Variants in PHOX2B observed in about 807,000 individuals in gnomAD.
PHOX2B encodes the protein paired mesoderm homeobox protein 2B.
In PHOX2B, 1 loss-of-function variant was observed where a neutral mutation model predicts 15.5. That is an observed-to-expected ratio of 0.06 (90% CI 0.02 to 0.31). The LOEUF (loss-of-function observed/expected upper bound fraction) is 0.31, where lower values mean the gene tolerates loss of function less well. Ranked by LOEUF, PHOX2B falls within the 10% of genes least tolerant of loss-of-function variation. The pLI is 1.00. For missense variants in PHOX2B, 314 were observed against 436.4 expected (o/e 0.72, Z 2.50); for synonymous variants, 206 against 190.5 (o/e 1.08, Z -0.67).
In PHOX2B at chr4:41,746,058, G is replaced by C. The variant is rs1433654836; in HGVS notation, c.694C>G (p.Pro232Ala). Residue 232 changes from proline (P) to alanine (A), a missense_variant, in exon 3 of 3, where the codon CCG becomes GCG. Physicochemically the swap from Pro to Ala is conservative, Grantham distance 27 (BLOSUM62 -1). This residue lies in a region of PHOX2B where 157 missense variants were observed against 169.0 expected (regional missense o/e 0.93). Transcript: ENST00000226382. ...GAPGAAGPGGPGGEPGKGGAA... is the reference protein window; with the variant it reads ...GAPGAAGPGGAGGEPGKGGAA... ...CCGCCCTTGCCGGGTTCGCCTCCCG[G>C]GCCCCCGGGCCCCGCCGCCCCCGGA... 1 of 1,347,702 alleles carries C rather than the reference G, an allele frequency of 7.4e-7. No individual in the cohort carries two copies. The highest frequency in any genetic ancestry group is 9.4e-7 in the Non-Finnish European group (1 of 1,058,412). 83.5% of individuals were successfully genotyped at this position (1,347,702 alleles called of 1,614,324 possible). A position where few individuals can be genotyped will look rare whatever the true frequency, so the allele number is the denominator to read the frequency against.
rs11723860 is a variant in PHOX2B, at chr4:41,744,420, G to A, written c.*1387C>T. 57,847 of 230,984 alleles carry A rather than the reference G, an allele frequency of 0.25. 7,932 individuals are homozygous for A. Among genetic ancestry groups the A allele is most frequent in the African/African-American group, 0.4 (17,957 of 45,196 alleles). 14.3% of individuals were successfully genotyped at this position (230,984 alleles called of 1,614,324 possible). ...CTACAAGAAGAGAAAAACATTATAC[G>A]GTCACGTAGAGGAGACAGTCTGCAC... On this transcript the variant is annotated 3_prime_UTR_variant, in exon 3 of 3. Coordinates refer to ENST00000226382, the MANE Select transcript of PHOX2B (RefSeq NM_003924.4).
At chr4:41,747,235 C>T (rs1182213364) in intron 2 of PHOX2B, 114 bp downstream of exon 2, 4 of 825,182 alleles carry the variant, frequency 4.8e-6, no homozygotes, top group Non-Finnish European at 8.0e-6. Context: ...GGCCATGGGG[C>T]CCTAGGTCCT....
rs1314348978 is a variant in PHOX2B at position 41,745,081 on chromosome 4, A to T, written c.*726T>A. 1 of 232,862 alleles carries T rather than the reference A, an allele frequency of 4.3e-6. No individual in the cohort carries two copies. Among genetic ancestry groups the T allele is most frequent in the Non-Finnish European group, 8.5e-6 (1 of 117,992 alleles). 14.4% of individuals were successfully genotyped at this position (232,862 alleles called of 1,614,324 possible). On this transcript the variant is annotated 3_prime_UTR_variant, in exon 3 of 3. Transcript: ENST00000226382. The surrounding 1 kb of genome is among the most constrained non-coding windows in gnomAD (Gnocchi z 4.0). The stretch of plus-strand genomic sequence containing the variant: ...GACAGTCTGAGCAAGTCGTCGCCGC[A>T]GTGACCCGAACCCAAGGACACGATA...
intron 2 of PHOX2B, among the ~76,000 whole-genome samples, chr4:41,746,843 A>C (rs1033467343): frequency 6.6e-6 from 1 of 152,234 alleles, no homozygotes; most frequent in African/African-American, 2.4e-5. Context: ...TCGTGAGCGC[A>C]CCTGTGTTTA....
chr4:41,746,973 A>T (rs1053087324), intron 2 of PHOX2B, among the ~76,000 whole-genome samples: 5 of 150,798 alleles, frequency 3.3e-5, no homozygotes, highest in African/African-American at 1.2e-4. Context: ...GGTTAAAAGC[A>T]CTTGAGTTAG....
rs1010286039 is a variant in PHOX2B at position 41,746,104 on chromosome 4, G to A, written c.648C>T (p.Gly216=). The A allele has an allele frequency of 3.9e-6, 6 of 1,537,986 alleles. No homozygotes were observed. Among genetic ancestry groups the A allele is most frequent in the South Asian group, 1.2e-5 (1 of 82,184 alleles). ...PSCGANGGGG[G]GPSPAGAPGA... ...CCGGAGCTCCAGCCGGGCTGGGCCC[G>A]CCGCCGCCGCCTCCATTCGCCCCGC... The change falls in exon 3 of 3, where the codon GGC becomes GGT. Residue 216 remains glycine (G), a synonymous_variant. Coordinates refer to ENST00000226382, the MANE Select transcript of PHOX2B (RefSeq NM_003924.4).
rs1462979811 is a variant in PHOX2B at position 41,746,208 on chromosome 4, C to G, written c.544G>C (p.Asp182His). 1.2e-6 allele frequency: 2 copies of G among 1,613,882 alleles called. No homozygotes were observed. Among genetic ancestry groups the G allele is most frequent in the South Asian group, 1.1e-5 (1 of 91,090 alleles). Residue 182 changes from aspartate to histidine, a missense_variant, in exon 3 of 3, where the codon GAC becomes CAC. Asp to His is a moderately conservative substitution (Grantham distance 81). Coordinates refer to ENST00000226382, the MANE Select transcript of PHOX2B (RefSeq NM_003924.4). Reference protein sequence around the residue: ...SGKKSDSSRDDESKEAKSTDP... With the variant: ...SGKKSDSSRDHESKEAKSTDP... Reference sequence around the variant, plus strand: ...GTGCTCTTGGCCTCTTTGCTCTCGTCGTCCCTGGAAGAGTCAGACTTTTTG... The same window carrying G: ...GTGCTCTTGGCCTCTTTGCTCTCGTGGTCCCTGGAAGAGTCAGACTTTTTG...
chr4:41,747,888 C>A (rs1733963551), intron 1 of PHOX2B, among the ~76,000 whole-genome samples: 1 of 152,054 alleles, frequency 6.6e-6, no homozygotes, highest in African/African-American at 2.4e-5. Flanking sequence ...AAGAAGTTAC[C>A]AAACAGTCCC....
Position 41,748,641 on chromosome 4 carries a change from G to GA in PHOX2B, c.-32dup. On this transcript the variant is annotated 5_prime_UTR_variant, in exon 1 of 3. Coordinates refer to ENST00000226382, the MANE Select transcript of PHOX2B (RefSeq NM_003924.4). The stretch of plus-strand genomic sequence containing the variant: ...AGGTTCTGGATGGCTCAGCCAAGTG[G>GA]AAAAATGAAATAAAAGATGGATATG... 3 of 1,606,938 alleles carry GA rather than the reference G, an allele frequency of 1.9e-6. No individual in the cohort carries two copies. The highest frequency in any genetic ancestry group is 1.1e-5 in the South Asian group (1 of 90,538).
Position 41,746,011 on chromosome 4 carries a change from G to GGCCGCC in PHOX2B, c.735_740dup (p.Ala259_Ala260dup). ...CCGCTGCCGCCGCCGCCGCTGCCGC[G>GGCCGCC]GCCGCCGCCGCTGCTGCTGCGCCGC... On this transcript the variant is annotated inframe_insertion, in exon 3 of 3. Coordinates refer to ENST00000226382, the MANE Select transcript of PHOX2B (RefSeq NM_003924.4). 8.9e-7 allele frequency: 1 copy of GGCCGCC among 1,119,710 alleles called. No individual in the cohort carries two copies. The highest frequency in any genetic ancestry group is 1.1e-6 in the Non-Finnish European group (1 of 916,540). The allele number at this position is 1,119,710 out of a possible 1,614,324, so 69.4% of individuals were successfully genotyped here. A position where few individuals can be genotyped will look rare whatever the true frequency, so the allele number is the denominator to read the frequency against.
In PHOX2B at chr4:41,745,926, C is replaced by A; in HGVS notation, c.826G>T (p.Gly276Cys). The stretch of plus-strand genomic sequence containing the variant: ...GGGATGGAGGTGATGGGGCCGGGGC[C>A]GGGAGCCCAGCCTTGTCCAGGGCCC... ...AGGPGQGWAPGPGPITSIPDS... is the reference protein window; with the variant it reads ...AGGPGQGWAPCPGPITSIPDS... Residue 276 changes from glycine (G) to cysteine (C), a missense_variant, in exon 3 of 3, where the codon GGC becomes TGC. Gly to Cys is a radical substitution (Grantham distance 159). Coordinates refer to ENST00000226382, the MANE Select transcript of PHOX2B (RefSeq NM_003924.4). This position sits in a 1 kb window ranked among gnomAD's most constrained non-coding sequence, Gnocchi z 4.0. The A allele has an allele frequency of 6.3e-7, 1 of 1,598,266 alleles. No individual in the cohort carries two copies. The highest frequency in any genetic ancestry group is 8.5e-7 in the Non-Finnish European group (1 of 1,173,474).
In PHOX2B at chr4:41,744,380, G is replaced by A; in HGVS notation, c.*1427C>T. ...CGTGAGAACCTTATTACACCATAAAGACACGCCATAGAGACTACAAGAAGA... is the reference window on the plus strand; with the variant it reads ...CGTGAGAACCTTATTACACCATAAAAACACGCCATAGAGACTACAAGAAGA... On this transcript the variant is annotated 3_prime_UTR_variant, in exon 3 of 3. Transcript: ENST00000226382. The A allele has an allele frequency of 4.3e-6, 1 of 230,322 alleles. No homozygotes were observed. Among genetic ancestry groups the A allele is most frequent in the Non-Finnish European group, 8.6e-6 (1 of 116,058 alleles). The allele number at this position is 230,322 out of a possible 1,614,324, so 14.3% of individuals were successfully genotyped here. A position where few individuals can be genotyped will look rare whatever the true frequency, so the allele number is the denominator to read the frequency against.
rs1428966376 is a variant in PHOX2B at position 41,746,194 on chromosome 4, C to T, written c.558G>A (p.Glu186=). The part of the protein sequence containing the change: ...SDSSRDDESK[E]AKSTDPDSTG... ...TGCTGTCCGGGTCAGTGCTCTTGGC[C>T]TCTTTGCTCTCGTCGTCCCTGGAAG... is the stretch of plus-strand genomic sequence containing the variant. Residue 186 remains glutamate (E), a synonymous_variant, in exon 3 of 3, where the codon GAG becomes GAA. Transcript: ENST00000226382. The T allele has an allele frequency of 6.2e-7, 1 of 1,613,810 alleles. No homozygotes were observed. The highest frequency in any genetic ancestry group is 2.2e-5 in the East Asian group (1 of 44,848).
rs937471360 is a variant in PHOX2B at position 41,744,587 on chromosome 4, C to T, written c.*1220G>A. 2 of 233,544 alleles carry T rather than the reference C, an allele frequency of 8.6e-6. No individual in the cohort carries two copies. The highest frequency in any genetic ancestry group is 1.7e-5 in the Non-Finnish European group (2 of 117,950). 14.5% of individuals were successfully genotyped at this position (233,544 alleles called of 1,614,324 possible). A position where few individuals can be genotyped will look rare whatever the true frequency, so the allele number is the denominator to read the frequency against. Reference sequence around the variant, plus strand: ...CAACAAAGAATCAAAACAGAGATGTCTAAACTGCGCGAAGAATGGAACCCT... The same window carrying T: ...CAACAAAGAATCAAAACAGAGATGTTTAAACTGCGCGAAGAATGGAACCCT... On this transcript the variant is annotated 3_prime_UTR_variant, in exon 3 of 3. Transcript: ENST00000226382.
chr4:41,746,150 T>C lies in PHOX2B; in HGVS notation c.602A>G (p.Asn201Ser), dbSNP rs1018470617. 1 of 1,611,580 alleles carries C rather than the reference T, an allele frequency of 6.2e-7. No individual in the cohort carries two copies. The highest frequency in any genetic ancestry group is 1.3e-5 in the African/African-American group (1 of 74,986). Residue 201 changes from asparagine to serine, a missense_variant, in exon 3 of 3, where the codon AAT becomes AGT. Physicochemically the swap from Asn to Ser is conservative, Grantham distance 46 (BLOSUM62 1). Around this residue, in one of 7 missense-constraint regions of PHOX2B, gnomAD observed 157 missense variants for 169.0 expected, o/e 0.93. Coordinates refer to ENST00000226382, the MANE Select transcript of PHOX2B (RefSeq NM_003924.4). ...CCCGCAGCTGGGGGTGGGGTTGGGA[T>C]TGGGACCTGGGCCCCCAGTGCTGTC... is the stretch of plus-strand genomic sequence containing the variant. ...DPDSTGGPGP[N>S]PNPTPSCGAN...
intron 1 of PHOX2B, 161 bp downstream of exon 1, chr4:41,748,209 C>G (rs1040194681): frequency 1.3e-6 from 1 of 758,056 alleles, no homozygotes; most frequent in East Asian, 2.7e-5. Context: ...AGTGAATTAC[C>G]CCTCCCTGCA....
rs564096488 is a variant in PHOX2B at position 41,744,464 on chromosome 4, A to T, written c.*1343T>A. The T allele has an allele frequency of 4.3e-6, 1 of 232,516 alleles. No individual in the cohort carries two copies. Among genetic ancestry groups the T allele is most frequent in the Non-Finnish European group, 8.5e-6 (1 of 117,422 alleles). The allele number at this position is 232,516 out of a possible 1,614,324, so 14.4% of individuals were successfully genotyped here. On this transcript the variant is annotated 3_prime_UTR_variant, in exon 3 of 3. Transcript: ENST00000226382. ...TCTGCACTGATATTAACACGATACA[A>T]TTGAGTCACAGAACACAGTTGTAGA...
In PHOX2B at chr4:41,748,556, C is replaced by G; in HGVS notation, c.55G>C (p.Ala19Pro). The change falls in exon 1 of 3, where the codon GCT (alanine) becomes CCT (proline). Residue 19 changes from alanine (A) to proline (P), a missense_variant. Around this residue, in one of 7 missense-constraint regions of PHOX2B, gnomAD observed 102 missense variants for 155.1 expected, o/e 0.66. Coordinates refer to ENST00000226382, the MANE Select transcript of PHOX2B (RefSeq NM_003924.4). Reference sequence around the variant, plus strand: ...GCCAGGCTCGAGGTGTCCATCCCAGCCATACAGGACTCGTAGGCAGAGGAA... The same window carrying G: ...GCCAGGCTCGAGGTGTCCATCCCAGGCATACAGGACTCGTAGGCAGAGGAA... ...LNSSAYESCM[A>P]GMDTSSLASA... 1 of 1,613,750 alleles carries G rather than the reference C, an allele frequency of 6.2e-7. No individual in the cohort carries two copies. Among genetic ancestry groups the G allele is most frequent in the Non-Finnish European group, 8.5e-7 (1 of 1,179,642 alleles).
At chr4:41,747,784 G>C (rs1279894187) in intron 1 of PHOX2B, 3 of 676,974 alleles carry the variant, frequency 4.4e-6, no homozygotes, top group Non-Finnish European at 8.1e-6. Context: ...TTGAAACAGC[G>C]CGATGTGACG....
Sources: gnomAD v4.1 joint callset for allele counts (sites outside exome capture counted in the v4.1 genomes callset) on GRCh38, gnomAD v4.1.1 for gene constraint, gnomAD v4.1.1 regional missense constraint, Gnocchi (gnomAD v3.1) non-coding constraint, MANE v1.5 for transcripts, NCBI Gene and HGNC (gene_info 2026-07-23, HGNC 2026-07-21) for gene names.